KCNMA1: variants seen among roughly 807,000 people sequenced by gnomAD.
KCNMA1 encodes Calcium-activated potassium channel subunit alpha-1.
In KCNMA1, 29 loss-of-function variants were observed where a neutral mutation model predicts 140.0. That is an observed-to-expected ratio of 0.21 (90% CI 0.15 to 0.28). The LOEUF is 0.28. Among genes scored for constraint, KCNMA1 ranks in the 10% least tolerant of loss-of-function variants. The pLI is 1.00. For synonymous variants in KCNMA1, 612 were observed against 611.9 expected (o/e 1.00, Z 0.00); for missense variants, 880 against 1,602.2 (o/e 0.55, Z 7.70).
At chr10:77,227,912 G>A (rs940516087) in intron 3 of KCNMA1, among the ~76,000 whole-genome samples, 1 of 151,960 alleles carries the variant, frequency 6.6e-6, no homozygotes, top group African/African-American at 2.4e-5. Flanking sequence ...GATTAAATGA[G>A]GTGATACTTA....
At chr10:77,106,406 T>C (rs955522967) in intron 9 of KCNMA1, among the ~76,000 whole-genome samples, 3 of 152,130 alleles carry the variant, frequency 2.0e-5, no homozygotes, top group African/African-American at 7.2e-5. Flanking sequence ...GGGTGAAAGA[T>C]GACCGGATCG....
intron 18 of KCNMA1, among the ~76,000 whole-genome samples, chr10:77,010,023 A>C (rs77148120): frequency 3.9e-5 from 6 of 152,188 alleles, no homozygotes; most frequent in African/African-American, 1.4e-4. Context: ...CAGCTCATCC[A>C]AAGAAGATAC....
At chr10:77,534,564 A>G (rs892491009) in intron 1 of KCNMA1, among the ~76,000 whole-genome samples, 1 of 152,218 alleles carries the variant, frequency 6.6e-6, no homozygotes, top group Non-Finnish European at 1.5e-5. Flanking sequence ...TTTTTCCTGA[A>G]GGAACCTAAT....
intron 14 of KCNMA1, among the ~76,000 whole-genome samples, chr10:77,048,260 A>T (rs1438988095): frequency 6.6e-6 from 1 of 152,162 alleles, no homozygotes; most frequent in East Asian, 1.9e-4. Context: ...ACTTACTCTC[A>T]TCTTCTGTAC....
At chr10:76,981,047 C>T (rs999347640) in intron 19 of KCNMA1, among the ~76,000 whole-genome samples, 12 of 152,178 alleles carry the variant, frequency 7.9e-5, no homozygotes, top group African/African-American at 2.9e-4. Flanking sequence ...TTTCTAAATG[C>T]TACCCATGAT....
chr10:77,430,906 C>A (rs1028850007), intron 1 of KCNMA1, among the ~76,000 whole-genome samples: 16 of 152,112 alleles, frequency 1.1e-4, no homozygotes, highest in African/African-American at 3.9e-4. Flanking sequence ...CATCAACATG[C>A]CTTGATTATA....
chr10:76,888,353 C>T (rs888552559), intron 27 of KCNMA1: 4 of 152,170 alleles, frequency 2.6e-5, no homozygotes, highest in African/African-American at 9.7e-5. Flanking sequence ...TGGCTATACA[C>T]TATAATCCCT....
chr10:76,886,512 TAAACTA>T lies in KCNMA1; in HGVS notation c.*748_*753del. On this transcript the variant is annotated 3_prime_UTR_variant, in exon 28 of 28. Transcript: ENST00000286628. The stretch of plus-strand genomic sequence containing the variant: ...ATATGCAATCAAACCTCTTTTCACT[TAAACTA>T]AATGACTAGAATTTGATACATCCAT... 1 of 984,990 alleles carries T rather than the reference TAAACTA, an allele frequency of 1.0e-6. No homozygotes were observed. The highest frequency in any genetic ancestry group is 1.2e-6 in the Non-Finnish European group (1 of 829,542). The allele number at this position is 984,990 out of a possible 1,614,324, so 61.0% of individuals were successfully genotyped here. A position where few individuals can be genotyped will look rare whatever the true frequency, so the allele number is the denominator to read the frequency against.
intron 3 of KCNMA1, 105 bp from the exon 4 acceptor site, chr10:77,185,021 A>G: frequency 2.6e-6 from 2 of 777,450 alleles, no homozygotes; most frequent in Non-Finnish European, 2.3e-6. Flanking sequence ...CGATGAAATG[A>G]ATATTCATAA....
At chr10:77,521,595 A>G (rs540792375) in intron 1 of KCNMA1, among the ~76,000 whole-genome samples, 2 of 152,258 alleles carry the variant, frequency 1.3e-5, no homozygotes, top group Non-Finnish European at 2.9e-5. Flanking sequence ...AGGATCGGAC[A>G]AGTAAAAAGA....
intron 1 of KCNMA1, among the ~76,000 whole-genome samples, chr10:77,508,946 T>A (rs189836010): frequency 4.6e-5 from 7 of 152,350 alleles, no homozygotes; most frequent in Non-Finnish European, 8.8e-5. Flanking sequence ...TAGCATAATG[T>A]CCTCAAGGTG....
intron 1 of KCNMA1, among the ~76,000 whole-genome samples, chr10:77,420,445 T>C (rs779843721): frequency 2.0e-5 from 3 of 152,250 alleles, no homozygotes; most frequent in Non-Finnish European, 2.9e-5. Context: ...ACCTCTTCAG[T>C]AGAGCTAACG....
At chr10:77,463,223 C>T (rs1430744032) in intron 1 of KCNMA1, among the ~76,000 whole-genome samples, 1 of 152,126 alleles carries the variant, frequency 6.6e-6, no homozygotes, top group Non-Finnish European at 1.5e-5. Flanking sequence ...CCTGGCCCTG[C>T]GTAGCCTGGG....
chr10:77,219,684 A>G (rs1014627238), intron 3 of KCNMA1, among the ~76,000 whole-genome samples: 16 of 152,234 alleles, frequency 1.1e-4, no homozygotes, highest in African/African-American at 3.1e-4. Context: ...CAGTGGCGCG[A>G]TCTTGGCTCA....
chr10:77,497,006 CAAA>C (rs1289939367), intron 1 of KCNMA1, among the ~76,000 whole-genome samples: 1 of 152,200 alleles, frequency 6.6e-6, no homozygotes, highest in Non-Finnish European at 1.5e-5. Flanking sequence ...ACCAGGCAAA[CAAA>C]AGGACCCAGG....
chr10:77,290,773 A>G (rs1200007047), intron 2 of KCNMA1, among the ~76,000 whole-genome samples: 1 of 152,236 alleles, frequency 6.6e-6, no homozygotes, highest in Non-Finnish European at 1.5e-5. Context: ...GGCAGGAGAC[A>G]GAAAGACTTA....
chr10:77,063,335 C>T (rs2095825779), intron 14 of KCNMA1, among the ~76,000 whole-genome samples: 1 of 151,996 alleles, frequency 6.6e-6, no homozygotes, highest in African/African-American at 2.4e-5. Flanking sequence ...ATCACTTGAA[C>T]CTGGGGGCTG....
At chr10:77,343,805 G>C (rs1474823352) in intron 2 of KCNMA1, among the ~76,000 whole-genome samples, 1 of 152,188 alleles carries the variant, frequency 6.6e-6, no homozygotes, top group African/African-American at 2.4e-5. Flanking sequence ...AACTGTTTAG[G>C]AGAAGGCCTA....
chr10:76,931,966 G>C (rs1353787798), intron 23 of KCNMA1, among the ~76,000 whole-genome samples: 1 of 152,158 alleles, frequency 6.6e-6, no homozygotes, highest in African/African-American at 2.4e-5. Context: ...TAATCTGGGA[G>C]TAGGAGGGGA....
Sources: gnomAD v4.1 joint callset for allele counts (sites outside exome capture counted in the v4.1 genomes callset) on GRCh38, gnomAD v4.1.1 for gene constraint, MANE v1.5 for transcripts, NCBI Gene and HGNC (gene_info 2026-07-23, HGNC 2026-07-21) for gene names.